Variants in GLI2 observed in about 807,000 individuals in gnomAD.
GLI2 encodes transcription activator GLI2.
Under a neutral mutation model 78.9 loss-of-function variants are expected in GLI2, and 22 were observed. That is an observed-to-expected ratio of 0.28 (90% confidence interval 0.20 to 0.40). The LOEUF (loss-of-function observed/expected upper bound fraction) is 0.40, where lower values mean the gene tolerates loss of function less well. GLI2 is among the 10% of genes least tolerant of loss of function. GLI2 has a pLI of 1.00. For missense variants in GLI2, 2,097 were observed against 2,213.2 expected (o/e 0.95, Z 1.05); for synonymous variants, 974 against 963.7 (o/e 1.01, Z -0.20).
rs531878866 is a variant in GLI2, at chr2:120,781,394, C to A, written c.-30-15897C>A. On this transcript the variant is annotated intron_variant, in intron 1 of 13. Coordinates refer to ENST00000361492, the MANE Select transcript of GLI2 (RefSeq NM_001374353.1). ...GCCCTGCCGGGGTCAGAGCAGCAGC[C>A]CCCTCTTCCCATTCTGAGGCCCGGG... 2.0e-5 allele frequency among the ~76,000 whole-genome samples: 3 copies of A among 152,330 alleles called. No individual in the cohort carries two copies. The South Asian group carries it at 6.2e-4, about 32-fold the overall frequency.
At chr2:120,844,698 C>T (rs1303638815) in intron 2 of GLI2, among the ~76,000 whole-genome samples, 1 of 152,154 alleles carries the variant, frequency 6.6e-6, no homozygotes, top group Non-Finnish European at 1.5e-5. Flanking sequence ...CTTTGGTCAC[C>T]AAGACAAAGT....
At chr2:120,822,608 T>G (rs60497047) in intron 2 of GLI2, among the ~76,000 whole-genome samples, 1,685 of 152,314 alleles carry the variant, frequency 0.011, 31 homozygotes, top group African/African-American at 0.038. Context: ...GTGATGACTG[T>G]GGAAAAGCCC....
intron 1 of GLI2, among the ~76,000 whole-genome samples, chr2:120,787,934 G>A (rs1684043394): frequency 6.6e-6 from 1 of 152,240 alleles, no homozygotes; most frequent in African/African-American, 2.4e-5. Context: ...CTGGCACCAG[G>A]GTGGGTGGAG....
At chr2:120,900,385 A>C (rs1405171893) in intron 2 of GLI2, among the ~76,000 whole-genome samples, 1 of 152,194 alleles carries the variant, frequency 6.6e-6, no homozygotes, top group Non-Finnish European at 1.5e-5. Flanking sequence ...AACACACACC[A>C]GGTGATGGCC....
In GLI2 at chr2:120,990,495, T is replaced by C. The variant is rs144700510; in HGVS notation, c.4530T>C (p.Gly1510=). ...GCGATCACTCGAGTTTGTTCTCGGG[T>C]GCTCTGAGCCCCAGCCTCCTCCACA... ...DDGDHSSLFS[G]ALSPSLLHSL... The change falls in exon 14 of 14, where the codon GGT becomes GGC. Residue 1510 remains glycine (G), a synonymous_variant. Transcript: ENST00000361492. The C allele has an allele frequency of 5.0e-5, 81 of 1,613,888 alleles. No homozygotes were observed. The African/African-American group carries it at 1.0e-3, about 20-fold the overall frequency.
chr2:120,865,435 GCTCCATT>G (rs1277325772), intron 2 of GLI2, among the ~76,000 whole-genome samples: 2 of 152,172 alleles, frequency 1.3e-5, no homozygotes, highest in Non-Finnish European at 2.9e-5. Flanking sequence ...AGAGTTGGAG[GCTCCATT>G]CCACCAGCCT....
intron 2 of GLI2, among the ~76,000 whole-genome samples, chr2:120,872,241 C>T (rs1457640451): frequency 6.6e-6 from 1 of 152,192 alleles, no homozygotes; most frequent in Non-Finnish European, 1.5e-5. Context: ...GCCATGAACT[C>T]ACTTTCAAGG....
chr2:120,922,483 A>G (rs1420307538), intron 2 of GLI2, among the ~76,000 whole-genome samples: 1 of 152,090 alleles, frequency 6.6e-6, no homozygotes, highest in Non-Finnish European at 1.5e-5. Context: ...AGACTATGAG[A>G]CCACCAGTCA....
At position 120,989,016 on chromosome 2, in the gene GLI2, C is replaced by T. The variant is rs751735227; in HGVS notation, c.3051C>T (p.Asn1017=). 14 of 1,602,138 alleles carry T rather than the reference C, an allele frequency of 8.7e-6. No individual in the cohort carries two copies. The highest frequency in any genetic ancestry group is 1.7e-5 in the Admixed American group (1 of 59,700). ...CCCGGCCGCCTAGCATCAGCGAGAA[C>T]GTGGCGATGGAGGCCGTGGCGGCAG... ...YSPRPPSISE[N]VAMEAVAAGV... The change falls in exon 14 of 14, where the codon AAC becomes AAT. Residue 1017 remains asparagine (N), a synonymous_variant. Transcript: ENST00000361492.
chr2:120,823,067 T>TC (rs1317153007), intron 2 of GLI2, among the ~76,000 whole-genome samples: 9 of 28,576 alleles, frequency 3.1e-4, no homozygotes, highest in African/African-American at 1.5e-3. Context: ...GGGAACCTGC[T>TC]CCCACCCCCT....
intron 2 of GLI2, among the ~76,000 whole-genome samples, chr2:120,868,672 T>C (rs1410979556): frequency 2.0e-5 from 3 of 152,210 alleles, no homozygotes; most frequent in African/African-American, 7.2e-5. Flanking sequence ...AAATGGTGAT[T>C]GTGACCTCAA....
At chr2:120,821,282 C>T (rs1685762164) in intron 2 of GLI2, among the ~76,000 whole-genome samples, 1 of 152,076 alleles carries the variant, frequency 6.6e-6, no homozygotes, top group African/African-American at 2.4e-5. Flanking sequence ...CAAGCAAAGG[C>T]CTGGTGTGCG....
chr2:120,927,586 A>G (rs969916964), intron 3 of GLI2, 120 bp downstream of exon 3: 1 of 778,716 alleles, frequency 1.3e-6, no homozygotes, highest in East Asian at 2.4e-5. Context: ...CCTGATCTAC[A>G]TTGTCCTGAG....
chr2:120,801,989 C>T (rs150524984), intron 2 of GLI2, among the ~76,000 whole-genome samples: 2 of 152,312 alleles, frequency 1.3e-5, no homozygotes, highest in East Asian at 1.9e-4. Context: ...ACTGCTACCC[C>T]AGGGTGAGTG....
intron 2 of GLI2, among the ~76,000 whole-genome samples, chr2:120,904,790 C>T (rs34926896): frequency 6.6e-6 from 1 of 151,990 alleles, no homozygotes; most frequent in Non-Finnish European, 1.5e-5. Context: ...CCAGAGCCTG[C>T]GATCTACCAA....
intron 2 of GLI2, among the ~76,000 whole-genome samples, chr2:120,824,891 G>A (rs150089273): frequency 3.9e-5 from 6 of 152,204 alleles, no homozygotes; most frequent in East Asian, 1.9e-4. Flanking sequence ...GCTGGAGTGC[G>A]GTGACACAAT....
At chr2:120,747,474 C>T (rs1682727932) in intron 1 of GLI2, among the ~76,000 whole-genome samples, 1 of 152,146 alleles carries the variant, frequency 6.6e-6, no homozygotes, top group Admixed American at 6.5e-5. Flanking sequence ...CTGAGGGCTG[C>T]CCTGGGAGCA....
chr2:120,810,999 T>C (rs1375316962), intron 2 of GLI2, among the ~76,000 whole-genome samples: 1 of 152,236 alleles, frequency 6.6e-6, no homozygotes, highest in Non-Finnish European at 1.5e-5. Context: ...TGGGGGCAAC[T>C]TATTGGCTAG....
chr2:120,802,911 GC>G lies in GLI2; in HGVS notation c.148+5447del, dbSNP rs1265198196. On this transcript the variant is annotated intron_variant, in intron 2 of 13. Transcript: ENST00000361492. ...AATTGTTAGAAATGCTAATTCTTGA[GC>G]CCCACCTTAGACCTACTGAATCTGA... 4.6e-5 allele frequency among the ~76,000 whole-genome samples: 7 copies of G among 152,226 alleles called. No homozygotes were observed. In the South Asian group the frequency reaches 1.4e-3, roughly 32 times the overall value.
Sources: gnomAD v4.1 joint callset for allele counts (sites outside exome capture counted in the v4.1 genomes callset) on GRCh38, gnomAD v4.1.1 for gene constraint, MANE v1.5 for transcripts, NCBI Gene and HGNC (gene_info 2026-07-23, HGNC 2026-07-21) for gene names.